RAD51B: variants seen among roughly 807,000 people sequenced by gnomAD.
The protein encoded by RAD51B is RAD51 paralog B.
A neutral mutation model predicts 42.2 loss-of-function variants in RAD51B; 38 were observed. The observed-to-expected ratio is 0.90, with a 90% confidence interval of 0.70 to 1.18. RAD51B has a LOEUF of 1.18. Among genes scored for constraint, RAD51B ranks in the 50% most tolerant of loss-of-function variants. The pLI is 0.00. For missense variants in RAD51B, 373 were observed against 400.7 expected, an observed-to-expected ratio of 0.93 and a Z score of 0.59; for synonymous variants, 154 against 145.2, an observed-to-expected ratio of 1.06 and a Z score of -0.43.
At chr14:68,344,986 C>T (rs535957442) in intron 8 of RAD51B, among the ~76,000 whole-genome samples, 51 of 151,918 alleles carry the variant, frequency 3.4e-4, no homozygotes, top group African/African-American at 1.2e-3. Context: ...AATGACTGCC[C>T]TTCTGGGTTT....
At chr14:68,332,739 G>C (rs1246534324) in intron 8 of RAD51B, among the ~76,000 whole-genome samples, 2 of 127,940 alleles carry the variant, frequency 1.6e-5, no homozygotes, top group East Asian at 4.3e-4. Flanking sequence ...AAAAACTGAA[G>C]TGCAGAGAGA....
intron 7 of RAD51B, among the ~76,000 whole-genome samples, chr14:68,102,881 T>A (rs2077315075): frequency 6.6e-6 from 1 of 152,188 alleles, no homozygotes; most frequent in Non-Finnish European, 1.5e-5. Flanking sequence ...AGAGGTTTAG[T>A]TGACTCACAG....
chr14:68,050,357 A>G (rs1242997525), intron 7 of RAD51B, among the ~76,000 whole-genome samples: 1 of 151,662 alleles, frequency 6.6e-6, no homozygotes, highest in Non-Finnish European at 1.5e-5. Flanking sequence ...TTTTCCTCCC[A>G]TCATCTTTCA....
rs1314158129 is a variant in RAD51B at position 68,582,939 on chromosome 14, C to T, written c.1037-11546C>T. Among the ~76,000 whole-genome samples, 7 of 152,060 alleles carry T rather than the reference C, an allele frequency of 4.6e-5. No individual in the cohort carries two copies. In the South Asian group the frequency reaches 6.2e-4, roughly 14 times the overall value. ...AACACCACATGTTCTCACTCATAAG[C>T]GGGAGTTGAACAATAACACATGGAC... On this transcript the variant is annotated intron_variant, in intron 10 of 10. Transcript: ENST00000487270.
chr14:68,114,457 AG>A (rs1457395985), intron 7 of RAD51B, among the ~76,000 whole-genome samples: 1 of 152,014 alleles, frequency 6.6e-6, no homozygotes, highest in Non-Finnish European at 1.5e-5. Context: ...GAAGTTTTTG[AG>A]GGATATATGC....
intron 10 of RAD51B, among the ~76,000 whole-genome samples, chr14:68,643,871 A>G (rs1595044011): frequency 6.6e-6 from 1 of 152,156 alleles, no homozygotes; most frequent in South Asian, 2.1e-4. Flanking sequence ...AGGAGTGGTC[A>G]TGAAAAGGGG....
At chr14:67,927,766 T>G in intron 7 of RAD51B, among the ~76,000 whole-genome samples, 1 of 151,544 alleles carries the variant, frequency 6.6e-6, no homozygotes, top group African/African-American at 2.4e-5. Context: ...GTGTATATAT[T>G]ATATATATAC....
At chr14:67,928,070 A>G (rs2044590590) in intron 7 of RAD51B, among the ~76,000 whole-genome samples, 2 of 151,910 alleles carry the variant, frequency 1.3e-5, no homozygotes, top group Admixed American at 6.6e-5. Context: ...CTTGAGGAGG[A>G]CTGATATGAG....
intron 10 of RAD51B, among the ~76,000 whole-genome samples, chr14:68,566,751 C>G (rs1184837892): frequency 3.3e-5 from 5 of 152,122 alleles, no homozygotes; most frequent in Admixed American, 3.3e-4. Context: ...CTTCTCAGCC[C>G]TAGAAGCTAC....
intron 10 of RAD51B, among the ~76,000 whole-genome samples, chr14:68,642,641 G>A (rs372984273): frequency 9.2e-5 from 14 of 151,608 alleles, no homozygotes; most frequent in Admixed American, 1.3e-4. Context: ...ATTTCTTTTC[G>A]TCTCCTTCCT....
chr14:68,026,049 G>C (rs894324989), intron 7 of RAD51B, among the ~76,000 whole-genome samples: 4 of 151,862 alleles, frequency 2.6e-5, no homozygotes, highest in African/African-American at 9.7e-5. Context: ...TGGAAGTTAT[G>C]TTTCTATTTT....
At chr14:68,374,627 A>G (rs2083329116) in intron 8 of RAD51B, among the ~76,000 whole-genome samples, 1 of 151,894 alleles carries the variant, frequency 6.6e-6, no homozygotes, top group Non-Finnish European at 1.5e-5. Context: ...ATAGCTTTCC[A>G]TAAATCTGGT....
At chr14:68,361,406 C>T (rs946129102) in intron 8 of RAD51B, among the ~76,000 whole-genome samples, 1 of 152,166 alleles carries the variant, frequency 6.6e-6, no homozygotes, top group African/African-American at 2.4e-5. Flanking sequence ...AATGAGCGGC[C>T]TTGAAATTGT....
chr14:68,585,739 T>C (rs1024955036), intron 10 of RAD51B, among the ~76,000 whole-genome samples: 2 of 152,158 alleles, frequency 1.3e-5, no homozygotes, highest in Non-Finnish European at 2.9e-5. Flanking sequence ...ATGAGCCACG[T>C]TGGAGAGTGT....
chr14:68,243,468 G>A (rs1366910311), intron 7 of RAD51B, among the ~76,000 whole-genome samples: 1 of 152,110 alleles, frequency 6.6e-6, no homozygotes, highest in East Asian at 1.9e-4. Context: ...CATGGTTGAT[G>A]TTATTTTATA....
intron 7 of RAD51B, among the ~76,000 whole-genome samples, chr14:68,067,931 CAAAAAAAAAAAAAAA>C (rs913150528): frequency 4.1e-5 from 1 of 24,690 alleles, no homozygotes; most frequent in African/African-American, 1.1e-4. Flanking sequence ...GACTCCATCT[CAAAAAAAAAAAAAAA>C]AAAAAAAAAA....
chr14:68,077,125 T>C (rs974282261), intron 7 of RAD51B, among the ~76,000 whole-genome samples: 4 of 152,224 alleles, frequency 2.6e-5, no homozygotes, highest in African/African-American at 9.6e-5. Context: ...GGCTTTTTTC[T>C]CTGGATGGTG....
chr14:68,417,895 C>T (rs759993151), intron 9 of RAD51B, among the ~76,000 whole-genome samples: 7 of 152,134 alleles, frequency 4.6e-5, no homozygotes, highest in Non-Finnish European at 7.4e-5. Flanking sequence ...TGGAAATTGC[C>T]AGCTGAAAAT....
rs1235467728 is a variant in RAD51B, at chr14:68,181,713, T to C, written c.757-110171T>C. Among the ~76,000 whole-genome samples the C allele has an allele frequency of 2.0e-5, 3 of 152,282 alleles. No homozygotes were observed. The East Asian group carries it at 5.8e-4, about 29-fold the overall frequency. Reference sequence around the variant, plus strand: ...AATCACCAAACAACCATTTTCCATGTCTACAGATCCTTTCATCTGAGGGCA... The same window carrying C: ...AATCACCAAACAACCATTTTCCATGCCTACAGATCCTTTCATCTGAGGGCA... On this transcript the variant is annotated intron_variant, in intron 7 of 10. Transcript: ENST00000471583.
Sources: allele counts gnomAD v4.1 joint callset (sites outside exome capture counted in the v4.1 genomes callset), GRCh38; gene constraint gnomAD v4.1.1; transcripts MANE v1.5; gene names NCBI Gene and HGNC (gene_info 2026-07-23, HGNC 2026-07-21).